KIRREL3: variants seen among roughly 807,000 people sequenced by gnomAD.
The protein encoded by KIRREL3 is kin of IRRE-like protein 3.
Under a neutral mutation model 89.7 loss-of-function variants are expected in KIRREL3, and 36 were observed. The observed-to-expected ratio is 0.40, with a 90% confidence interval of 0.31 to 0.53. KIRREL3 has a LOEUF of 0.53. Among genes scored for constraint, KIRREL3 ranks in the 20% least tolerant of loss-of-function variants. KIRREL3 has a pLI of 0.49. For missense variants in KIRREL3, 864 were observed against 1,056.6 expected (o/e 0.82, Z 2.53); for synonymous variants, 445 against 441.4 (o/e 1.01, Z -0.10).
At chr11:126,928,514 G>A (rs1253352937) in intron 1 of KIRREL3, among the ~76,000 whole-genome samples, 1 of 152,036 alleles carries the variant, frequency 6.6e-6, no homozygotes, top group Non-Finnish European at 1.5e-5. Flanking sequence ...TGAGAAAAGA[G>A]GCCCTGCAGG....
In KIRREL3 at chr11:126,424,638, G is replaced by A. The variant is rs374554953; in HGVS notation, c.2279C>T (p.Ser760Leu). 16 of 1,613,948 alleles carry A rather than the reference G, an allele frequency of 9.9e-6. No homozygotes were observed. The highest frequency in any genetic ancestry group is 5.3e-5 in the African/African-American group (4 of 74,944). Reference sequence around the variant, plus strand: ...TCGACTGGGGTCAGAGTTCTGGGACGAGGACTGGGAGTGGTGGGAGGAGGA... The same window carrying A: ...TCGACTGGGGTCAGAGTTCTGGGACAAGGACTGGGAGTGGTGGGAGGAGGA... ...SASSSHHSQS[S>L]SQNSDPSRPL... The change falls in exon 17 of 17, where the codon TCG (serine) becomes TTG (leucine). Residue 760 changes from serine (S) to leucine (L), a missense_variant. Ser to Leu is a moderately radical substitution (Grantham distance 145, BLOSUM62 -2). Transcript: ENST00000525144.
chr11:126,514,019 G>A (rs1233493257), intron 4 of KIRREL3, among the ~76,000 whole-genome samples: 2 of 152,188 alleles, frequency 1.3e-5, no homozygotes, highest in African/African-American at 4.8e-5. Flanking sequence ...GGTGGTGTCA[G>A]TGGCCAAAGG....
chr11:126,724,669 T>TTCCC lies in KIRREL3; in HGVS notation c.56-161761_56-161758dup, dbSNP rs1189859967. Among the ~76,000 whole-genome samples, 1 of 152,214 alleles carries TTCCC rather than the reference T, an allele frequency of 6.6e-6. No individual in the cohort carries two copies. Among genetic ancestry groups the TTCCC allele is most frequent in the East Asian group, 1.9e-4 (1 of 5,190 alleles). On this transcript the variant is annotated intron_variant, in intron 1 of 16. Coordinates refer to ENST00000525144, the MANE Select transcript of KIRREL3 (RefSeq NM_032531.4). The surrounding 1 kb of genome is among the most constrained non-coding windows in gnomAD (Gnocchi z 4.3). ...TTTTAGCTGCCTTCCTTCTTGAAAC[T>TTCCC]TCCCTCTCCCCGTTTGAATTCCAAT...
intron 1 of KIRREL3, among the ~76,000 whole-genome samples, chr11:126,820,555 G>A (rs939008330): frequency 4.6e-5 from 7 of 152,142 alleles, no homozygotes; most frequent in Admixed American, 2.0e-4. Context: ...AAAAAATTTT[G>A]TTGAAGGAGG....
chr11:126,439,125 G>A (rs1281551489), intron 11 of KIRREL3, among the ~76,000 whole-genome samples: 2 of 152,190 alleles, frequency 1.3e-5, no homozygotes, highest in African/African-American at 4.8e-5. Flanking sequence ...GAGGTCAGGA[G>A]TTTGAGACCA....
intron 1 of KIRREL3, among the ~76,000 whole-genome samples, chr11:126,727,370 T>C (rs1385183824): frequency 6.6e-6 from 1 of 152,248 alleles, no homozygotes; most frequent in Non-Finnish European, 1.5e-5. Context: ...AATGTCTTTT[T>C]GGTGGCCTCA....
chr11:126,623,120 T>C lies in KIRREL3; in HGVS notation c.56-60208A>G, dbSNP rs1327528992. On this transcript the variant is annotated intron_variant, in intron 1 of 16. Transcript: ENST00000525144. This position sits in a 1 kb window ranked among gnomAD's most constrained non-coding sequence, Gnocchi z 4.1. ...TTCCCAAGAGACTTTGGCTCCACTT[T>C]AGACATAAGAAAACAGAAATAGGTC... is the stretch of plus-strand genomic sequence containing the variant. 1.3e-5 allele frequency among the ~76,000 whole-genome samples: 2 copies of C among 152,164 alleles called. No individual in the cohort carries two copies. Among genetic ancestry groups the C allele is most frequent in the African/African-American group, 4.8e-5 (2 of 41,430 alleles).
In KIRREL3 at chr11:126,623,767, T is replaced by C. The variant is rs1226338803; in HGVS notation, c.56-60855A>G. On this transcript the variant is annotated intron_variant, in intron 1 of 16. Coordinates refer to ENST00000525144, the MANE Select transcript of KIRREL3 (RefSeq NM_032531.4). The surrounding 1 kb of genome is among the most constrained non-coding windows in gnomAD (Gnocchi z 4.1). ...CTAAGCTAGAAAACAAAGATATACATAGAAATTCTAGGTTCTCAAGAAAAT... is the reference window on the plus strand; with the variant it reads ...CTAAGCTAGAAAACAAAGATATACACAGAAATTCTAGGTTCTCAAGAAAAT... 6.6e-6 allele frequency among the ~76,000 whole-genome samples: 1 copy of C among 152,062 alleles called. No homozygotes were observed. Among genetic ancestry groups the C allele is most frequent in the Non-Finnish European group, 1.5e-5 (1 of 68,022 alleles).
In KIRREL3 at chr11:126,620,345, A is replaced by T. The variant is rs768404199; in HGVS notation, c.56-57433T>A. ...CTTGCTTGTCCATGTCCTTATTAACATGTGGCATCCAGTACCAAACACTCT... is the reference window on the plus strand; with the variant it reads ...CTTGCTTGTCCATGTCCTTATTAACTTGTGGCATCCAGTACCAAACACTCT... On this transcript the variant is annotated intron_variant, in intron 1 of 16. Coordinates refer to ENST00000525144, the MANE Select transcript of KIRREL3 (RefSeq NM_032531.4). The surrounding 1 kb of genome is among the most constrained non-coding windows in gnomAD (Gnocchi z 4.8). Among the ~76,000 whole-genome samples, 1 of 152,134 alleles carries T rather than the reference A, an allele frequency of 6.6e-6. No homozygotes were observed. Among genetic ancestry groups the T allele is most frequent in the Non-Finnish European group, 1.5e-5 (1 of 68,022 alleles).
At chr11:126,911,759 G>C (rs562578138) in intron 1 of KIRREL3, among the ~76,000 whole-genome samples, 1 of 152,054 alleles carries the variant, frequency 6.6e-6, no homozygotes, top group African/African-American at 2.4e-5. Context: ...TGAGGTGGGC[G>C]GATGACGAGG....
In KIRREL3 at chr11:126,643,587, C is replaced by A. The variant is rs930252248; in HGVS notation, c.56-80675G>T. On this transcript the variant is annotated intron_variant, in intron 1 of 16. Coordinates refer to ENST00000525144, the MANE Select transcript of KIRREL3 (RefSeq NM_032531.4). This position sits in a 1 kb window ranked among gnomAD's most constrained non-coding sequence, Gnocchi z 4.5. ...TTTATCTCTACACTGATGATATAGACTTGATCCTTGGGCAAAAGTGCATTA... is the reference window on the plus strand; with the variant it reads ...TTTATCTCTACACTGATGATATAGAATTGATCCTTGGGCAAAAGTGCATTA... Among the ~76,000 whole-genome samples, 1 of 152,196 alleles carries A rather than the reference C, an allele frequency of 6.6e-6. No homozygotes were observed. Among genetic ancestry groups the A allele is most frequent in the African/African-American group, 2.4e-5 (1 of 41,448 alleles).
chr11:126,746,382 G>A (rs1246654520), intron 1 of KIRREL3, among the ~76,000 whole-genome samples: 1 of 152,088 alleles, frequency 6.6e-6, no homozygotes, highest in Admixed American at 6.6e-5. Context: ...TTCCGCTTGG[G>A]ACTTCAGGAT....
chr11:126,479,142 G>A (rs553150412), intron 4 of KIRREL3, among the ~76,000 whole-genome samples: 23 of 152,250 alleles, frequency 1.5e-4, no homozygotes, highest in East Asian at 9.7e-4. Context: ...TTGTTCTGCC[G>A]CAGACCCAGG....
At chr11:126,882,359 G>A (rs1200263614) in intron 1 of KIRREL3, among the ~76,000 whole-genome samples, 1 of 152,140 alleles carries the variant, frequency 6.6e-6, no homozygotes, top group Non-Finnish European at 1.5e-5. Flanking sequence ...ATCCATTGCT[G>A]AACCTCCTCT....
chr11:126,633,093 T>G (rs922628565), intron 1 of KIRREL3, among the ~76,000 whole-genome samples: 3 of 151,968 alleles, frequency 2.0e-5, no homozygotes, highest in Non-Finnish European at 2.9e-5. Context: ...AAAAAATAAA[T>G]AAACTTAAAA....
chr11:126,648,624 TA>T (rs1163560394), intron 1 of KIRREL3, among the ~76,000 whole-genome samples: 1 of 152,266 alleles, frequency 6.6e-6, no homozygotes, highest in Non-Finnish European at 1.5e-5. Flanking sequence ...AAGTCTTAGC[TA>T]TTTGTTTTAT....
At position 126,897,412 on chromosome 11, in the gene KIRREL3, GA is replaced by G. The variant is rs372074370; in HGVS notation, c.55+103042del. Among the ~76,000 whole-genome samples, 11 of 151,630 alleles carry G rather than the reference GA, an allele frequency of 7.3e-5. No homozygotes were observed. The highest frequency in any genetic ancestry group is 2.1e-4 in the South Asian group (1 of 4,806). On this transcript the variant is annotated intron_variant, in intron 1 of 16. Transcript: ENST00000525144. The surrounding 1 kb of genome is among the most constrained non-coding windows in gnomAD (Gnocchi z 4.2). The stretch of plus-strand genomic sequence containing the variant: ...TCCCCAAGCGTTCTCTTATTTTGGG[GA>G]AAAAAAATGAATGTGCAATTCAACT...
chr11:126,448,578 G>C (rs534524109), intron 8 of KIRREL3, among the ~76,000 whole-genome samples: 1 of 152,200 alleles, frequency 6.6e-6, no homozygotes, highest in Non-Finnish European at 1.5e-5. Context: ...GCAGGGGCAG[G>C]GGTTAGATCA....
rs1238902211 is a variant in KIRREL3 at position 126,666,505 on chromosome 11, G to C, written c.56-103593C>G. Among the ~76,000 whole-genome samples, 1 of 152,242 alleles carries C rather than the reference G, an allele frequency of 6.6e-6. No homozygotes were observed. The highest frequency in any genetic ancestry group is 1.5e-5 in the Non-Finnish European group (1 of 68,036). Reference sequence around the variant, plus strand: ...AAGGGACAAATCTAATGATAAGAAAGTTACAGCCAAGTTTATTGAACAATA... The same window carrying C: ...AAGGGACAAATCTAATGATAAGAAACTTACAGCCAAGTTTATTGAACAATA... On this transcript the variant is annotated intron_variant, in intron 1 of 16. Transcript: ENST00000525144. The surrounding 1 kb of genome is among the most constrained non-coding windows in gnomAD (Gnocchi z 4.2).
Sources: allele counts gnomAD v4.1 joint callset (sites outside exome capture counted in the v4.1 genomes callset), GRCh38; gene constraint gnomAD v4.1.1; non-coding constraint Gnocchi (gnomAD v3.1); transcripts MANE v1.5; gene names NCBI Gene and HGNC (gene_info 2026-07-23, HGNC 2026-07-21).